PTK2: variants seen among roughly 807,000 people sequenced by gnomAD.
The protein encoded by PTK2 is protein tyrosine kinase 2.
PTK2 carries 45 observed loss-of-function variants against 150.1 expected under a neutral mutation model. The ratio of observed to expected loss-of-function variants is 0.30; its 90% CI spans 0.24 to 0.38. PTK2 has a LOEUF of 0.38. Ranked by LOEUF, PTK2 falls within the 10% of genes least tolerant of loss-of-function variation. The pLI is 1.00. For synonymous variants in PTK2, 432 were observed against 449.2 expected (o/e 0.96, Z 0.48); for missense variants, 919 against 1,307.3 (o/e 0.70, Z 4.58).
At chr8:140,867,025 T>C (rs1344783156) in intron 4 of PTK2, among the ~76,000 whole-genome samples, 1 of 152,164 alleles carries the variant, frequency 6.6e-6, no homozygotes, top group African/African-American at 2.4e-5. Flanking sequence ...GAAAAGGCCC[T>C]GCAGCTGGAG....
chr8:140,711,620 TAC>T (rs2100036938), intron 23 of PTK2, among the ~76,000 whole-genome samples: 1 of 152,238 alleles, frequency 6.6e-6, no homozygotes, highest in Non-Finnish European at 1.5e-5. Flanking sequence ...ATTTAAACTT[TAC>T]CAAGATTTTC....
chr8:140,784,375 T>C (rs577899701), intron 14 of PTK2, among the ~76,000 whole-genome samples: 3 of 152,162 alleles, frequency 2.0e-5, no homozygotes, highest in Non-Finnish European at 4.4e-5. Context: ...ATCTTGTACT[T>C]CTGGTCATAA....
chr8:140,913,633 A>G (rs889090177), intron 2 of PTK2, among the ~76,000 whole-genome samples: 1 of 151,968 alleles, frequency 6.6e-6, no homozygotes, highest in Non-Finnish European at 1.5e-5. Flanking sequence ...TATTATTTAC[A>G]ATATCATCAA....
chr8:140,873,148 T>A (rs543644276), intron 4 of PTK2, among the ~76,000 whole-genome samples: 10 of 152,320 alleles, frequency 6.6e-5, no homozygotes, highest in Admixed American at 2.0e-4. Flanking sequence ...AACTGCAGGA[T>A]GGTAGGGCAT....
At chr8:140,862,674 T>A (rs559321146) in intron 5 of PTK2, among the ~76,000 whole-genome samples, 1 of 152,296 alleles carries the variant, frequency 6.6e-6, no homozygotes, top group African/African-American at 2.4e-5. Context: ...CCGCCTGAGC[T>A]CTGCCTCCTG....
rs868778150 is a variant in PTK2 at position 140,990,243 on chromosome 8, T to A, written c.-122+10882A>T. ...ACTCTCCTTGACCAATTTTTTTTTT[T>A]TTTTATTTTGAGACAGGGTCTCCCT... is the stretch of plus-strand genomic sequence containing the variant. On this transcript the variant is annotated intron_variant, in intron 1 of 31. Coordinates refer to ENST00000522684, the Ensembl canonical transcript of PTK2. Among the ~76,000 whole-genome samples, 14 of 152,082 alleles carry A rather than the reference T, an allele frequency of 9.2e-5. 1 individual carries two copies. The highest frequency in any genetic ancestry group is 2.6e-4 in the Admixed American group (4 of 15,268).
intron 1 of PTK2, among the ~76,000 whole-genome samples, chr8:140,994,649 C>T (rs1457164159): frequency 1.3e-5 from 2 of 152,044 alleles, no homozygotes; most frequent in African/African-American, 4.8e-5. Context: ...CAGTGGTCTT[C>T]GATGTTACTA....
At chr8:140,751,412 A>C (rs1453540602) in intron 17 of PTK2, among the ~76,000 whole-genome samples, 2 of 151,502 alleles carry the variant, frequency 1.3e-5, no homozygotes, top group Non-Finnish European at 2.9e-5. Context: ...CAATCCTCTC[A>C]CCTCGGCCTC....
intron 14 of PTK2, among the ~76,000 whole-genome samples, chr8:140,779,741 A>C (rs907226659): frequency 6.6e-6 from 1 of 152,176 alleles, no homozygotes; most frequent in African/African-American, 2.4e-5. Context: ...AATAGGGATA[A>C]AGAGCATAAT....
intron 29 of PTK2, 117 bp downstream of exon 33, chr8:140,669,610 A>C (rs1485505071): frequency 6.8e-6 from 8 of 1,181,554 alleles, no homozygotes. Flanking sequence ...AGAGGTGACA[A>C]AGCAGGCCGA....
chr8:140,805,592 A>G (rs2100097724), intron 10 of PTK2, among the ~76,000 whole-genome samples: 1 of 151,250 alleles, frequency 6.6e-6, no homozygotes, highest in Admixed American at 6.6e-5. Flanking sequence ...CATATTCAAC[A>G]AGATTCCTGA....
chr8:140,672,833 A>G (rs866230801), intron 29 of PTK2, among the ~76,000 whole-genome samples: 5 of 152,248 alleles, frequency 3.3e-5, no homozygotes, highest in Non-Finnish European at 5.9e-5. Flanking sequence ...GTGCTCAGCC[A>G]AGCCTGCGGC....
At chr8:140,926,287 A>C (rs946884733) in intron 1 of PTK2, among the ~76,000 whole-genome samples, 2 of 152,214 alleles carry the variant, frequency 1.3e-5, no homozygotes, top group African/African-American at 4.8e-5. Flanking sequence ...AACATATCTA[A>C]TATTAAAACT....
chr8:140,987,949 G>C (rs2100193963), intron 1 of PTK2, among the ~76,000 whole-genome samples: 1 of 151,726 alleles, frequency 6.6e-6, no homozygotes, highest in Non-Finnish European at 1.5e-5. Flanking sequence ...AGCGACTGAG[G>C]TCAGAGGATC....
At chr8:140,663,687 T>A (rs2084490397) in intron 31 of PTK2, among the ~76,000 whole-genome samples, 1 of 152,224 alleles carries the variant, frequency 6.6e-6, no homozygotes, top group Admixed American at 6.5e-5. Context: ...TAAAACTTTT[T>A]TTTTTGAAAC....
chr8:140,676,788 A>AAAAAAAAAAAAAAACC (rs2100014102), intron 27 of PTK2, among the ~76,000 whole-genome samples: 1 of 146,412 alleles, frequency 6.8e-6, no homozygotes, highest in South Asian at 2.2e-4. Flanking sequence ...AAAAAAAAAA[A>AAAAAAAAAAAAAAACC]ATAGCCAGGT....
intron 1 of PTK2, among the ~76,000 whole-genome samples, chr8:140,958,990 C>A (rs1398259100): frequency 6.6e-6 from 1 of 152,130 alleles, no homozygotes; most frequent in East Asian, 1.9e-4. Context: ...AGTGTCTCTT[C>A]CCCGTTGCTC....
intron 31 of PTK2, among the ~76,000 whole-genome samples, chr8:140,660,230 C>A (rs141988589): frequency 1.3e-3 from 195 of 152,296 alleles, no homozygotes; most frequent in African/African-American, 4.5e-3. Flanking sequence ...ACCACAGAAT[C>A]TGACAGAACT....
In PTK2 at chr8:140,744,779, ATGACC is replaced by A; in HGVS notation, c.1519-17_1519-13del. On this transcript the variant is annotated splice_polypyrimidine_tract_variant and intron_variant, in intron 18 of 31. Transcript: ENST00000522684. ...AAAAATGACCTCAGCTTTTGGAACA[ATGACC>A]AAAAGAAAAAAAAAAAAAAAAGAAT... 7.4e-7 allele frequency: 1 copy of A among 1,344,832 alleles called. No homozygotes were observed. Among genetic ancestry groups the A allele is most frequent in the Middle Eastern group, 1.9e-4 (1 of 5,190 alleles). The allele number at this position is 1,344,832 out of a possible 1,614,324, so 83.3% of individuals were successfully genotyped here. A position where few individuals can be genotyped will look rare whatever the true frequency, so the allele number is the denominator to read the frequency against.
Sources: gnomAD v4.1 joint callset for allele counts (sites outside exome capture counted in the v4.1 genomes callset) on GRCh38, gnomAD v4.1.1 for gene constraint, MANE v1.5 for transcripts, NCBI Gene and HGNC (gene_info 2026-07-23, HGNC 2026-07-21) for gene names.